The following ADAM9 variants were observed in gnomAD, a reference collection of about 807,000 sequenced individuals.
The protein encoded by ADAM9 is disintegrin and metalloproteinase domain-containing protein 9.
In ADAM9, 54 loss-of-function variants were observed where a neutral mutation model predicts 108.1. The observed-to-expected ratio is 0.50, with a 90% CI of 0.40 to 0.63. The LOEUF (loss-of-function observed/expected upper bound fraction) is 0.63, where lower values mean the gene tolerates loss of function less well. Among genes scored for constraint, ADAM9 ranks in the 20% least tolerant of loss-of-function variants. The probability of loss-of-function intolerance (pLI) is 0.00; values close to 1 mark genes in which losing one functional copy is unlikely to be tolerated. For synonymous variants in ADAM9, 316 were observed against 336.0 expected, an observed-to-expected ratio of 0.94 and a Z score of 0.65; for missense variants, 830 against 997.7, an observed-to-expected ratio of 0.83 and a Z score of 2.26.
intron 20 of ADAM9, among the ~76,000 whole-genome samples, chr8:39,093,457 A>C (rs956436982): frequency 6.6e-6 from 1 of 152,174 alleles, no homozygotes; most frequent in Non-Finnish European, 1.5e-5. Flanking sequence ...ATGCAACTTT[A>C]GTGAATTCAT....
At position 39,104,636 on chromosome 8, in the gene ADAM9, A is replaced by G. The variant is rs772762813; in HGVS notation, c.*936A>G. 8 of 441,324 alleles carry G rather than the reference A, an allele frequency of 1.8e-5. No individual in the cohort carries two copies. The highest frequency in any genetic ancestry group is 1.4e-4 in the East Asian group (2 of 14,330). The allele number at this position is 441,324 out of a possible 1,614,324, so 27.3% of individuals were successfully genotyped here. A position where few individuals can be genotyped will look rare whatever the true frequency, so the allele number is the denominator to read the frequency against. On this transcript the variant is annotated 3_prime_UTR_variant, in exon 22 of 22. Transcript: ENST00000487273. ...CTGAACTTTCAAAGCTTGCTATTAA[A>G]TCATTTAGAATGTTTACATTTACTA...
rs1836359300 is a variant in ADAM9, at chr8:39,011,666, T to C, written c.204T>C (p.Tyr68=). ...CCCTTCTGTGCATTTAGGTATCTTA[T>C]GTTATTCAGGCTGAAGGAAAAGAGC... ...APRPYSKQVS[Y]VIQAEGKEHI... The change falls in exon 3 of 22, where the codon TAT becomes TAC. Residue 68 remains tyrosine, a synonymous_variant. Coordinates refer to ENST00000487273, the MANE Select transcript of ADAM9 (RefSeq NM_003816.3). 7 of 1,610,760 alleles carry C rather than the reference T, an allele frequency of 4.3e-6. No individual in the cohort carries two copies. Among genetic ancestry groups the C allele is most frequent in the Non-Finnish European group, 5.9e-6 (7 of 1,177,082 alleles).
chr8:39,100,472 G>A (rs1396293958), intron 20 of ADAM9, among the ~76,000 whole-genome samples: 3 of 148,400 alleles, frequency 2.0e-5, no homozygotes, highest in South Asian at 2.1e-4. Context: ...CAGCCAGGGC[G>A]ACAGAGCCAG....
Position 39,017,353 on chromosome 8 carries a change from T to C in ADAM9, c.545T>C (p.Ile182Thr), listed in dbSNP as rs932553985. 4 of 1,613,936 alleles carry C rather than the reference T, an allele frequency of 2.5e-6. No homozygotes were observed. The African/African-American group carries it at 4.0e-5, about 16-fold the overall frequency. Residue 182 changes from isoleucine to threonine, a missense_variant, in exon 6 of 22, where the codon ATA becomes ACA. Ile to Thr is a moderately conservative substitution (Grantham distance 89). Around this residue, in one of 3 missense-constraint regions of ADAM9, gnomAD observed 211 missense variants for 222.2 expected, o/e 0.95. Coordinates refer to ENST00000487273, the MANE Select transcript of ADAM9 (RefSeq NM_003816.3). Reference sequence around the variant, plus strand: ...AAATGTGGAGTTTCCAACAAGGATATAGAGAAAGAAACTGCAAAGGATGAA... The same window carrying C: ...AAATGTGGAGTTTCCAACAAGGATACAGAGAAAGAAACTGCAAAGGATGAA... ...PLKCGVSNKD[I>T]EKETAKDEEE...
intron 12 of ADAM9, among the ~76,000 whole-genome samples, chr8:39,046,740 GT>G (rs1837787088): frequency 6.6e-6 from 1 of 151,470 alleles, no homozygotes; most frequent in Non-Finnish European, 1.5e-5. Context: ...CCTTCATTTT[GT>G]TAATGTGGTA....
At position 39,103,711 on chromosome 8, in the gene ADAM9, C is replaced by T; in HGVS notation, c.*11C>T. ...AGTTCCCTCACTTGATTTTTTTAAC[C>T]TTCTTTTTGCAAATGTCTTCAGGGA... On this transcript the variant is annotated 3_prime_UTR_variant, in exon 22 of 22. Transcript: ENST00000487273. The T allele has an allele frequency of 6.2e-7, 1 of 1,609,664 alleles. No homozygotes were observed. Among genetic ancestry groups the T allele is most frequent in the Non-Finnish European group, 8.5e-7 (1 of 1,176,094 alleles).
intron 12 of ADAM9, 111 bp downstream of exon 12, chr8:39,042,228 C>A: frequency 1.7e-6 from 2 of 1,168,980 alleles, no homozygotes. Context: ...AATTTAGTGG[C>A]ACAGTGAGGA....
At chr8:39,056,985 A>C (rs780173987) in intron 14 of ADAM9, among the ~76,000 whole-genome samples, 2 of 152,186 alleles carry the variant, frequency 1.3e-5, no homozygotes, top group Non-Finnish European at 2.9e-5. Context: ...GTGGTCTCAT[A>C]AAATTATAAT....
At chr8:39,073,983 A>C (rs2129441660) in intron 15 of ADAM9, among the ~76,000 whole-genome samples, 1 of 152,292 alleles carries the variant, frequency 6.6e-6, no homozygotes, top group South Asian at 2.1e-4. Context: ...TCTGTTCTGT[A>C]AAATGGGGAT....
chr8:39,062,549 C>T (rs1254150954), intron 14 of ADAM9, among the ~76,000 whole-genome samples: 1 of 152,200 alleles, frequency 6.6e-6, no homozygotes, highest in Admixed American at 6.5e-5. Flanking sequence ...ATTCTGATTG[C>T]TGCTTTGACT....
chr8:39,018,808 C>T, intron 6 of ADAM9, 45 bp from the exon 7 acceptor site: 1 of 1,536,962 alleles, frequency 6.5e-7, no homozygotes, highest in Non-Finnish European at 9.0e-7. Context: ...GTGATCATAG[C>T]CTTATAACTT....
rs1413428647 is a variant in ADAM9 at position 39,104,294 on chromosome 8, G to C, written c.*594G>C. Reference sequence around the variant, plus strand: ...ATTAAGATGTCATATTATTTTGAAAGTACAAAATATACTAAAAGAGTGTGT... The same window carrying C: ...ATTAAGATGTCATATTATTTTGAAACTACAAAATATACTAAAAGAGTGTGT... On this transcript the variant is annotated 3_prime_UTR_variant, in exon 22 of 22. Coordinates refer to ENST00000487273, the MANE Select transcript of ADAM9 (RefSeq NM_003816.3). The C allele has an allele frequency of 2.0e-5, 9 of 452,626 alleles. No homozygotes were observed. In the Admixed American group the frequency reaches 2.1e-4, roughly 11 times the overall value. 28.0% of individuals were successfully genotyped at this position (452,626 alleles called of 1,614,324 possible). A position where few individuals can be genotyped will look rare whatever the true frequency, so the allele number is the denominator to read the frequency against.
intron 1 of ADAM9, among the ~76,000 whole-genome samples, chr8:38,997,660 A>G (rs1442436687): frequency 1.3e-5 from 2 of 152,254 alleles, no homozygotes; most frequent in African/African-American, 2.4e-5. Flanking sequence ...TTTGACGTTC[A>G]TGGTATCCTT....
chr8:39,088,674 T>C (rs925225246), intron 18 of ADAM9, among the ~76,000 whole-genome samples: 1 of 152,254 alleles, frequency 6.6e-6, no homozygotes, highest in South Asian at 2.1e-4. Flanking sequence ...ACAGAACAGA[T>C]AAAATACTTA....
rs1352951073 is a variant in ADAM9, at chr8:39,055,758, T to C, written c.1577T>C (p.Val526Ala). 6.2e-7 allele frequency: 1 copy of C among 1,613,286 alleles called. No individual in the cohort carries two copies. Among genetic ancestry groups the C allele is most frequent in the Non-Finnish European group, 8.5e-7 (1 of 1,179,598 alleles). The part of the protein sequence containing the change: ...MCQYYDAQCQ[V>A]IFGSKAKAAP... ...CAGTATTATGATGCTCAATGTCAAG[T>C]CATCTTTGGCTCAAGTAAGATATCA... Residue 526 changes from valine to alanine, a missense_variant, in exon 14 of 22, where the codon GTC becomes GCC. Val to Ala is a moderately conservative substitution (Grantham distance 64). Transcript: ENST00000487273.
At chr8:39,094,116 A>G (rs1321709970) in intron 20 of ADAM9, among the ~76,000 whole-genome samples, 1 of 152,220 alleles carries the variant, frequency 6.6e-6, no homozygotes, top group Non-Finnish European at 1.5e-5. Context: ...TTTTATCATG[A>G]AAGAATGTTG....
intron 12 of ADAM9, among the ~76,000 whole-genome samples, chr8:39,044,764 A>T (rs1564294643): frequency 6.6e-6 from 1 of 152,108 alleles, no homozygotes; most frequent in Non-Finnish European, 1.5e-5. Context: ...TTCACTTAGG[A>T]TAATGGCCTC....
intron 4 of ADAM9, chr8:39,014,898 A>G (rs1836478184): frequency 4.2e-6 from 1 of 235,466 alleles, no homozygotes; most frequent in Non-Finnish European, 8.2e-6. Flanking sequence ...CCACTATCTG[A>G]TTTCTTTATC....
chr8:39,050,649 C>CT (rs1402306006), intron 12 of ADAM9, among the ~76,000 whole-genome samples: 6 of 151,992 alleles, frequency 3.9e-5, no homozygotes, highest in Non-Finnish European at 1.5e-5. Flanking sequence ...GCCTCTCAAA[C>CT]TTTCATGTTT....
Sources: allele counts gnomAD v4.1 joint callset (sites outside exome capture counted in the v4.1 genomes callset), GRCh38; gene constraint gnomAD v4.1.1; regional missense constraint gnomAD v4.1.1; transcripts MANE v1.5; gene names NCBI Gene and HGNC (gene_info 2026-07-23, HGNC 2026-07-21).